Variants in MBOAT1 observed in about 807,000 individuals in gnomAD.
MBOAT1 encodes the protein membrane-bound glycerophospholipid O-acyltransferase 1.
In MBOAT1, 67 loss-of-function variants were observed where a neutral mutation model predicts 64.4. That is an observed-to-expected ratio of 1.04 (90% CI 0.85 to 1.27). The LOEUF (loss-of-function observed/expected upper bound fraction) is 1.27. Ranked by LOEUF, MBOAT1 falls within the 50% of genes most tolerant of loss-of-function variation. MBOAT1 has a pLI of 0.00. For missense variants in MBOAT1, 563 were observed against 604.6 expected (o/e 0.93, Z 0.72); for synonymous variants, 229 against 218.9 (o/e 1.05, Z -0.41).
intron 4 of MBOAT1, among the ~76,000 whole-genome samples, chr6:20,140,606 A>C (rs1285188219): frequency 6.6e-6 from 1 of 152,056 alleles, no homozygotes; most frequent in Non-Finnish European, 1.5e-5. Flanking sequence ...TAGGTATCGG[A>C]GCTCCTGGTT....
chr6:20,174,922 TA>T (rs1398641960), intron 1 of MBOAT1, among the ~76,000 whole-genome samples: 2 of 152,178 alleles, frequency 1.3e-5, no homozygotes, highest in East Asian at 3.8e-4. Flanking sequence ...CATGTGACAT[TA>T]GGGGTACATG....
chr6:20,138,165 CG>C (rs1561758266), intron 4 of MBOAT1, among the ~76,000 whole-genome samples: 1 of 152,012 alleles, frequency 6.6e-6, no homozygotes, highest in African/African-American at 2.4e-5. Flanking sequence ...CCTGCCTTTA[CG>C]GTGGTAGGGA....
At chr6:20,109,902 C>T (rs6938589) in intron 11 of MBOAT1, among the ~76,000 whole-genome samples, 153 bp from the exon 12 acceptor site, 20,899 of 95,250 alleles carry the variant, frequency 0.22, 2,173 homozygotes, top group Middle Eastern at 0.34. Flanking sequence ...ACCATCAGGA[C>T]TTTTTTTTTT....
intron 3 of MBOAT1, among the ~76,000 whole-genome samples, chr6:20,146,153 C>T (rs1206228308): frequency 6.6e-6 from 1 of 152,096 alleles, no homozygotes; most frequent in Non-Finnish European, 1.5e-5. Context: ...GACATAAATT[C>T]GGAAGGTATA....
chr6:20,158,752 C>A (rs1468269297), intron 1 of MBOAT1, among the ~76,000 whole-genome samples: 1 of 152,188 alleles, frequency 6.6e-6, no homozygotes, highest in Non-Finnish European at 1.5e-5. Context: ...TACCAATGGG[C>A]AAAGGATCTG....
At chr6:20,190,214 T>C (rs1212854921) in intron 1 of MBOAT1, among the ~76,000 whole-genome samples, 1 of 152,128 alleles carries the variant, frequency 6.6e-6, no homozygotes, top group East Asian at 1.9e-4. Flanking sequence ...AGGCTGGTCT[T>C]GATCTCCTGA....
intron 1 of MBOAT1, among the ~76,000 whole-genome samples, chr6:20,203,161 T>C (rs750395954): frequency 6.6e-6 from 1 of 152,066 alleles, no homozygotes; most frequent in Non-Finnish European, 1.5e-5. Context: ...AATAAAATAA[T>C]AAATGTAATT....
At chr6:20,170,601 C>T (rs893616649) in intron 1 of MBOAT1, among the ~76,000 whole-genome samples, 3 of 152,108 alleles carry the variant, frequency 2.0e-5, no homozygotes, top group African/African-American at 7.2e-5. Context: ...TCATTTCACC[C>T]GGACAACATG....
intron 1 of MBOAT1, among the ~76,000 whole-genome samples, chr6:20,203,251 A>G (rs1241376246): frequency 6.6e-6 from 1 of 152,238 alleles, no homozygotes; most frequent in African/African-American, 2.4e-5. Context: ...TTAGACTGCT[A>G]AAGGAAATTT....
At chr6:20,211,769 T>A (rs1763427150) in intron 1 of MBOAT1, among the ~76,000 whole-genome samples, 1 of 151,572 alleles carries the variant, frequency 6.6e-6, no homozygotes, top group South Asian at 2.1e-4. Flanking sequence ...TCATCTAAAT[T>A]AAAAACAATA....
intron 1 of MBOAT1, among the ~76,000 whole-genome samples, chr6:20,175,312 G>A (rs113432224): frequency 0.035 from 5,368 of 151,858 alleles, 106 homozygotes; most frequent in African/African-American, 0.042. Flanking sequence ...GTGCAGTGGC[G>A]AGATTATAGG....
intron 1 of MBOAT1, among the ~76,000 whole-genome samples, chr6:20,204,131 G>T (rs1763193865): frequency 6.6e-6 from 1 of 152,102 alleles, no homozygotes; most frequent in Admixed American, 6.5e-5. Flanking sequence ...CTTCCTCCTA[G>T]AATATTCTGA....
intron 1 of MBOAT1, among the ~76,000 whole-genome samples, chr6:20,153,284 A>T (rs921144952): frequency 6.6e-6 from 1 of 152,172 alleles, no homozygotes; most frequent in Non-Finnish European, 1.5e-5. Flanking sequence ...CAAACCCAAC[A>T]GTTTTTCTCT....
At chr6:20,144,095 A>C in intron 4 of MBOAT1, 125 bp downstream of exon 4, 1 of 652,404 alleles carries the variant, frequency 1.5e-6, no homozygotes. Context: ...TCCCATTAGC[A>C]GTGTCTTACC....
At chr6:20,124,722 G>A (rs1343052278) in intron 7 of MBOAT1, 122 bp from the exon 8 acceptor site, 10 of 818,680 alleles carry the variant, frequency 1.2e-5, no homozygotes, top group Non-Finnish European at 1.5e-5. Flanking sequence ...TTCCCCAGAA[G>A]GAGTGACAAC....
intron 1 of MBOAT1, among the ~76,000 whole-genome samples, chr6:20,165,001 G>A (rs914793670): frequency 1.3e-5 from 2 of 152,166 alleles, no homozygotes; most frequent in South Asian, 4.1e-4. Context: ...GATAGGGTAG[G>A]CTAAGCTATG....
At position 20,173,985 on chromosome 6, in the gene MBOAT1, T is replaced by C. The variant is rs537578497; in HGVS notation, c.100-21216A>G. On this transcript the variant is annotated intron_variant, in intron 1 of 12. Coordinates refer to ENST00000324607, the MANE Select transcript of MBOAT1 (RefSeq NM_001080480.3). The stretch of plus-strand genomic sequence containing the variant: ...CAAAGAAAGGAGAAAGACAAACATG[T>C]AGGGGATGGGAAGTAAGTATGAAGA... Among the ~76,000 whole-genome samples, 3 of 151,878 alleles carry C rather than the reference T, an allele frequency of 2.0e-5. No individual in the cohort carries two copies. In the South Asian group the frequency reaches 6.3e-4, roughly 32 times the overall value.
intron 1 of MBOAT1, among the ~76,000 whole-genome samples, chr6:20,207,600 G>C (rs1763300965): frequency 4.6e-5 from 7 of 152,086 alleles, no homozygotes; most frequent in Admixed American, 4.6e-4. Context: ...AACATTTCAA[G>C]ACAGGTGAAA....
chr6:20,135,325 G>A (rs1173026813), intron 4 of MBOAT1, among the ~76,000 whole-genome samples: 1 of 152,040 alleles, frequency 6.6e-6, no homozygotes, highest in African/African-American at 2.4e-5. Flanking sequence ...AGAGAAAACA[G>A]GTAGCTGAAG....
Sources: allele counts gnomAD v4.1 joint callset (sites outside exome capture counted in the v4.1 genomes callset), GRCh38; gene constraint gnomAD v4.1.1; transcripts MANE v1.5; gene names NCBI Gene and HGNC (gene_info 2026-07-23, HGNC 2026-07-21).